The following MREG variants were observed in gnomAD, a reference collection of about 807,000 sequenced individuals.
MREG encodes dilute suppressor protein homolog.
Under a neutral mutation model 28.5 loss-of-function variants are expected in MREG, and 31 were observed. The ratio of observed to expected loss-of-function variants is 1.09; its 90% CI spans 0.82 to 1.47. The LOEUF (loss-of-function observed/expected upper bound fraction) is 1.47. Among genes scored for constraint, MREG ranks in the 40% most tolerant of loss-of-function variants. The pLI, the probability that MREG is intolerant of heterozygous loss-of-function variation, is 0.00. For missense variants in MREG, 256 were observed against 257.4 expected, an observed-to-expected ratio of 0.99 and a Z score of 0.04; for synonymous variants, 106 against 95.2, an observed-to-expected ratio of 1.11 and a Z score of -0.66.
intron 2 of MREG, among the ~76,000 whole-genome samples, chr2:215,949,065 AC>A (rs1692398441): frequency 2.8e-5 from 4 of 142,248 alleles, no homozygotes; most frequent in African/African-American, 7.8e-5. Context: ...TACTACTACT[AC>A]TACTACTACT....
rs1232448846 is a variant in MREG, at chr2:215,944,140, T to G, written c.*723A>C. On this transcript the variant is annotated 3_prime_UTR_variant, in exon 5 of 5. Coordinates refer to ENST00000263268, the MANE Select transcript of MREG (RefSeq NM_018000.3). Reference sequence around the variant, plus strand: ...GATTACAAGCGCGTGCCATCACACCTGGCTAATTTTTGTATTTTTAGTAGA... The same window carrying G: ...GATTACAAGCGCGTGCCATCACACCGGGCTAATTTTTGTATTTTTAGTAGA... The G allele has an allele frequency of 6.6e-6, 1 of 151,810 alleles. No homozygotes were observed. The highest frequency in any genetic ancestry group is 1.5e-5 in the Non-Finnish European group (1 of 68,002). The allele number at this position is 151,810 out of a possible 1,614,324, so 9.4% of individuals were successfully genotyped here. A position where few individuals can be genotyped will look rare whatever the true frequency, so the allele number is the denominator to read the frequency against.
At chr2:216,016,455 C>A (rs1694450846), upstream of MREG, among the ~76,000 whole-genome samples, 1 of 152,182 alleles carries the variant, frequency 6.6e-6, no homozygotes, top group African/African-American at 2.4e-5. Flanking sequence ...GTTGGATTTG[C>A]TGAGAATGGA....
intron 3 of MREG, among the ~76,000 whole-genome samples, chr2:215,946,234 G>A (rs1692314753): frequency 6.8e-6 from 1 of 147,358 alleles, no homozygotes; most frequent in Non-Finnish European, 1.5e-5. Context: ...AACTTTCATT[G>A]TTTAAAAAAA....
intron 2 of MREG, among the ~76,000 whole-genome samples, chr2:215,982,373 C>A (rs1693451719): frequency 6.6e-6 from 1 of 151,530 alleles, no homozygotes; most frequent in African/African-American, 2.4e-5. Context: ...AACATTGATT[C>A]TCTTAATGCT....
intron 2 of MREG, among the ~76,000 whole-genome samples, chr2:215,949,087 C>CAA (rs1692410796): frequency 8.0e-6 from 1 of 124,602 alleles, no homozygotes; most frequent in Non-Finnish European, 1.7e-5. Flanking sequence ...ACTACTACTA[C>CAA]TAATAATAAT....
chr2:216,013,104 G>T, intron 1 of MREG, 129 bp downstream of exon 1: 1 of 738,860 alleles, frequency 1.4e-6, no homozygotes. Context: ...AAGGGGCTGA[G>T]ATGGCGCCTC....
chr2:215,957,214 C>A (rs1692648388), intron 2 of MREG, among the ~76,000 whole-genome samples: 1 of 152,196 alleles, frequency 6.6e-6, no homozygotes, highest in Admixed American at 6.5e-5. Flanking sequence ...TAGGAAAACA[C>A]AATTGAAATC....
intron 2 of MREG, among the ~76,000 whole-genome samples, chr2:215,962,140 C>T (rs150932243): frequency 9.3e-4 from 142 of 152,312 alleles, no homozygotes; most frequent in African/African-American, 3.3e-3. Context: ...TTTTATTCCA[C>T]GGCTCCACTT....
intron 2 of MREG, among the ~76,000 whole-genome samples, chr2:215,986,492 T>C (rs1056958442): frequency 2.0e-5 from 3 of 152,210 alleles, no homozygotes; most frequent in East Asian, 1.9e-4. Context: ...AGATCTGAGA[T>C]TGCAACCTCT....
intron 2 of MREG, among the ~76,000 whole-genome samples, chr2:215,975,432 T>G (rs527542884): frequency 6.6e-6 from 1 of 152,308 alleles, no homozygotes; most frequent in East Asian, 1.9e-4. Context: ...AACTGCTGGA[T>G]GAGTTGACTT....
At chr2:216,015,904 TGAG>T (rs1246278363), upstream of MREG, among the ~76,000 whole-genome samples, 1 of 151,830 alleles carries the variant, frequency 6.6e-6, no homozygotes. Context: ...GTTTGGAGGG[TGAG>T]GAGGAGGAGC....
At chr2:216,027,440 C>T (rs914617548) in intron 1 of MREG, among the ~76,000 whole-genome samples, 2 of 152,270 alleles carry the variant, frequency 1.3e-5, no homozygotes, top group Middle Eastern at 3.4e-3. Context: ...CCCTATAATC[C>T]CAGCACTTTG....
At chr2:216,021,852 C>G (rs1694526417) in intron 1 of MREG, among the ~76,000 whole-genome samples, 1 of 152,180 alleles carries the variant, frequency 6.6e-6, no homozygotes, top group African/African-American at 2.4e-5. Flanking sequence ...CAACTGTGAC[C>G]ATCTGAAAGG....
chr2:216,002,250 C>A (rs1694034426), intron 1 of MREG, among the ~76,000 whole-genome samples: 1 of 152,222 alleles, frequency 6.6e-6, no homozygotes, highest in African/African-American at 2.4e-5. Context: ...AATCCAGAGT[C>A]TTTTCTTTCA....
upstream of MREG, among the ~76,000 whole-genome samples, chr2:216,017,604 C>T (rs1375228005): frequency 6.6e-6 from 1 of 152,160 alleles, no homozygotes; most frequent in Non-Finnish European, 1.5e-5. Flanking sequence ...TTACCAAGAG[C>T]CCTCTGGGCA....
At chr2:216,032,702 T>C (rs1574668219) in intron 1 of MREG, 1 of 152,240 alleles carries the variant, frequency 6.6e-6, no homozygotes, top group African/African-American at 2.4e-5. Context: ...GTAAATTTTA[T>C]ATGTAGTCAG....
intron 2 of MREG, among the ~76,000 whole-genome samples, chr2:215,981,243 T>C (rs949932785): frequency 1.3e-5 from 2 of 152,074 alleles, no homozygotes; most frequent in African/African-American, 4.8e-5. Context: ...AGCCAAAACA[T>C]AGAAGCAACC....
intron 1 of MREG, among the ~76,000 whole-genome samples, chr2:216,022,926 T>C (rs2105930785): frequency 6.6e-6 from 1 of 152,350 alleles, no homozygotes; most frequent in Non-Finnish European, 1.5e-5. Flanking sequence ...CTGAGCATCA[T>C]TCACATTTGC....
chr2:215,965,174 G>A (rs558546912), intron 2 of MREG, among the ~76,000 whole-genome samples: 9 of 152,158 alleles, frequency 5.9e-5, no homozygotes, highest in Non-Finnish European at 1.3e-4. Context: ...AAAGGTATTT[G>A]CTATGTTTCA....
Sources: allele counts gnomAD v4.1 joint callset (sites outside exome capture counted in the v4.1 genomes callset), GRCh38; gene constraint gnomAD v4.1.1; transcripts MANE v1.5; gene names NCBI Gene and HGNC (gene_info 2026-07-23, HGNC 2026-07-21).